Variants in DOCK10 observed in about 807,000 individuals in gnomAD.
The protein encoded by DOCK10 is dedicator of cytokinesis protein 10.
Under a neutral mutation model 280.1 loss-of-function variants are expected in DOCK10, and 145 were observed. That is an observed-to-expected ratio of 0.52 (90% confidence interval 0.45 to 0.59). DOCK10 has a LOEUF of 0.59. DOCK10 is among the 20% of genes least tolerant of loss of function. DOCK10 has a pLI of 0.00. For synonymous variants in DOCK10, 915 were observed against 942.2 expected (o/e 0.97, Z 0.53); for missense variants, 2,368 against 2,651.7 (o/e 0.89, Z 2.35).
chr2:224,974,104 T>C (rs1371878781), intron 1 of DOCK10, among the ~76,000 whole-genome samples: 1 of 152,152 alleles, frequency 6.6e-6, no homozygotes, highest in African/African-American at 2.4e-5. Flanking sequence ...ATTACAATTT[T>C]CCATTTGTTT....
intron 23 of DOCK10, among the ~76,000 whole-genome samples, chr2:224,841,475 C>T (rs537175011): frequency 2.8e-4 from 42 of 151,982 alleles, no homozygotes; most frequent in Non-Finnish European, 5.0e-4. Context: ...CTTTATCTGG[C>T]TTTATTCTTT....
intron 7 of DOCK10, among the ~76,000 whole-genome samples, chr2:224,878,045 A>G (rs1050691771): frequency 1.3e-5 from 2 of 152,238 alleles, no homozygotes; most frequent in African/African-American, 2.4e-5. Context: ...AATGAGATCA[A>G]TAGTGTGGGA....
chr2:224,893,611 C>G (rs548405339), intron 4 of DOCK10: 5 of 447,164 alleles, frequency 1.1e-5, no homozygotes, highest in African/African-American at 1.0e-4. Flanking sequence ...CCATTCTAGC[C>G]TGAAGTCATC....
At chr2:224,992,293 A>C (rs952695581) in intron 1 of DOCK10, among the ~76,000 whole-genome samples, 5 of 152,232 alleles carry the variant, frequency 3.3e-5, no homozygotes, top group Admixed American at 6.5e-5. Flanking sequence ...TTCCAAGTTA[A>C]ATCTAGTTTA....
intron 3 of DOCK10, among the ~76,000 whole-genome samples, chr2:224,915,214 T>C (rs913970119): frequency 2.0e-5 from 2 of 100,832 alleles, no homozygotes; most frequent in African/African-American, 5.8e-5. Context: ...TGAATAAGTC[T>C]GATTGTCTGG....
chr2:224,805,581 AC>A lies in DOCK10; in HGVS notation c.3815-53del, dbSNP rs1693348706. ...ATGGGAATGAGATGTATGGGCACAC[AC>A]ACACAAAAGGTTCACATGATGAACC... On this transcript the variant is annotated intron_variant, in intron 34 of 55. Transcript: ENST00000258390. The surrounding 1 kb of genome is among the most constrained non-coding windows in gnomAD (Gnocchi z 4.3). 6.2e-7 allele frequency: 1 copy of A among 1,605,906 alleles called. No individual in the cohort carries two copies. The highest frequency in any genetic ancestry group is 1.7e-5 in the Admixed American group (1 of 59,666).
chr2:224,786,019 AC>A lies in DOCK10; in HGVS notation c.5655+1002del, dbSNP rs1691708890. On this transcript the variant is annotated intron_variant, in intron 50 of 55. Coordinates refer to ENST00000258390, the MANE Select transcript of DOCK10 (RefSeq NM_014689.3). This position sits in a 1 kb window ranked among gnomAD's most constrained non-coding sequence, Gnocchi z 4.7. The stretch of plus-strand genomic sequence containing the variant: ...AGACCAGCCTGGCCAACATAATGAA[AC>A]CCTGTCTCTACTAAAAAATACAAAA... Among the ~76,000 whole-genome samples, 1 of 151,696 alleles carries A rather than the reference AC, an allele frequency of 6.6e-6. No individual in the cohort carries two copies. Among genetic ancestry groups the A allele is most frequent in the Non-Finnish European group, 1.5e-5 (1 of 67,954 alleles).
At position 224,855,041 on chromosome 2, in the gene DOCK10, C is replaced by T; in HGVS notation, c.1810G>A (p.Ala604Thr). 1 of 1,586,772 alleles carries T rather than the reference C, an allele frequency of 6.3e-7. No individual in the cohort carries two copies. The highest frequency in any genetic ancestry group is 8.6e-7 in the Non-Finnish European group (1 of 1,165,806). ...GTCTGCATTTTGCTTATTCTGTCGG[C>T]CCTGTAAGAGTGCATGAGCAAGGAC... ...LVKLVSDYRR[A>T]DRISKMQTIP... Residue 604 changes from alanine to threonine, a missense_variant and splice_region_variant, in exon 16 of 56, where the codon GCC (alanine) becomes ACC (threonine). Coordinates refer to ENST00000258390, the MANE Select transcript of DOCK10 (RefSeq NM_014689.3).
intron 19 of DOCK10, among the ~76,000 whole-genome samples, chr2:224,848,545 G>A (rs1048065630): frequency 3.3e-5 from 5 of 152,140 alleles, no homozygotes; most frequent in African/African-American, 1.2e-4. Flanking sequence ...TGTGCCCTTG[G>A]TAAAGTTACT....
rs147752392 is a variant in DOCK10 at position 224,856,960 on chromosome 2, C to T, written c.1708G>A (p.Gly570Arg). 4.3e-3 allele frequency: 6,969 copies of T among 1,610,690 alleles called. 20 individuals carry two copies. The highest frequency in any genetic ancestry group is 4.6e-3 in the Non-Finnish European group (5,396 of 1,178,044). ...AVRSVFKDNQ[G>R]NVDRDSRFSP... ...AATCTTGAGTCTCTGTCCACATTTC[C>T]CTGGTTGTCCTTAAATACTGATCTA... is the stretch of plus-strand genomic sequence containing the variant. Residue 570 changes from glycine (G) to arginine (R), a missense_variant, in exon 15 of 56, where the codon GGA (glycine) becomes AGA (arginine). Gly to Arg is a moderately radical substitution (Grantham distance 125). Coordinates refer to ENST00000258390, the MANE Select transcript of DOCK10 (RefSeq NM_014689.3).
intron 1 of DOCK10, among the ~76,000 whole-genome samples, chr2:224,944,471 A>G (rs1169587704): frequency 6.6e-6 from 1 of 152,202 alleles, no homozygotes; most frequent in African/African-American, 2.4e-5. Context: ...ACAACACAAC[A>G]CTTGTAACTG....
At chr2:224,833,931 G>A (rs1000328622) in intron 26 of DOCK10, among the ~76,000 whole-genome samples, 4 of 152,098 alleles carry the variant, frequency 2.6e-5, no homozygotes, top group Admixed American at 6.5e-5. Flanking sequence ...GGATTACAGA[G>A]GTGAGCCACT....
intron 7 of DOCK10, 45 bp from the exon 8 acceptor site, chr2:224,876,266 A>G (rs771265560): frequency 6.7e-7 from 1 of 1,491,232 alleles, no homozygotes; most frequent in Non-Finnish European, 9.1e-7. Flanking sequence ...ACCAAAAAAT[A>G]AGCCTTCGAG....
At chr2:225,016,610 T>C (rs1689603265) in intron 1 of DOCK10, among the ~76,000 whole-genome samples, 1 of 94,460 alleles carries the variant, frequency 1.1e-5, no homozygotes, top group African/African-American at 4.0e-5. Context: ...CATAGATACA[T>C]ATATCTATGT....
intron 1 of DOCK10, among the ~76,000 whole-genome samples, chr2:225,017,389 C>A (rs964143751): frequency 8.0e-5 from 12 of 150,698 alleles, no homozygotes; most frequent in East Asian, 5.9e-4. Context: ...AAAATTGACA[C>A]ACTAGAGAAA....
chr2:224,845,143 A>G (rs933105973), intron 21 of DOCK10, 60 bp downstream of exon 21: 13 of 1,492,768 alleles, frequency 8.7e-6, no homozygotes, highest in Admixed American at 6.1e-5. Context: ...AAAGAAGATA[A>G]TCTTATGCCA....
intron 1 of DOCK10, among the ~76,000 whole-genome samples, chr2:224,954,654 A>G (rs1703942923): frequency 6.6e-6 from 1 of 152,222 alleles, no homozygotes. Context: ...AATAATGACA[A>G]TGACAACAAC....
At chr2:224,872,661 C>T (rs936305363) in intron 11 of DOCK10, among the ~76,000 whole-genome samples, 5 of 152,154 alleles carry the variant, frequency 3.3e-5, no homozygotes, top group Non-Finnish European at 7.4e-5. Context: ...GGCTAGTTTC[C>T]CTGGATCATA....
rs376137154 is a variant in DOCK10, at chr2:225,024,909, GA to G, written c.123+17342del. On this transcript the variant is annotated intron_variant, in intron 1 of 55. Transcript: ENST00000258390. ...GTTTCAAAAAGAAAAAAAAGAAAAAGAAAAAAAAATCAAAAAAACATTTTGA... is the reference window on the plus strand; with the variant it reads ...GTTTCAAAAAGAAAAAAAAGAAAAAGAAAAAAAATCAAAAAAACATTTTGA... Among the ~76,000 whole-genome samples the G allele has an allele frequency of 6.3e-3, 920 of 145,566 alleles. 14 individuals are homozygous for G. The highest frequency in any genetic ancestry group is 0.019 in the African/African-American group (773 of 40,676).
Sources: allele counts gnomAD v4.1 joint callset (sites outside exome capture counted in the v4.1 genomes callset), GRCh38; gene constraint gnomAD v4.1.1; non-coding constraint Gnocchi (gnomAD v3.1); transcripts MANE v1.5; gene names NCBI Gene and HGNC (gene_info 2026-07-23, HGNC 2026-07-21).